Variants in PDE4D observed in about 807,000 individuals in gnomAD.
The protein encoded by PDE4D is 3',5'-cyclic-AMP phosphodiesterase 4D.
PDE4D carries 24 observed loss-of-function variants against 87.4 expected under a neutral mutation model. The observed-to-expected ratio is 0.27, with a 90% CI of 0.20 to 0.39. The LOEUF (loss-of-function observed/expected upper bound fraction) is 0.39. Ranked by LOEUF, PDE4D falls within the 10% of genes least tolerant of loss-of-function variation. PDE4D has a pLI of 1.00. For synonymous variants in PDE4D, 384 were observed against 383.2 expected (o/e 1.00, Z -0.02); for missense variants, 714 against 1,041.0 (o/e 0.69, Z 4.32).
intron 5 of PDE4D, among the ~76,000 whole-genome samples, chr5:59,119,011 G>A (rs2153444509): frequency 2.0e-5 from 3 of 152,230 alleles, no homozygotes; most frequent in Admixed American, 2.0e-4. Flanking sequence ...AGATATAAAA[G>A]TAAAGTGAGG....
chr5:59,591,266 T>G (rs1397005515), intron 1 of PDE4D, among the ~76,000 whole-genome samples: 2 of 152,200 alleles, frequency 1.3e-5, no homozygotes, highest in African/African-American at 4.8e-5. Flanking sequence ...CCTCTTAAAA[T>G]GCCTTCAACT....
chr5:58,976,519 C>T (rs766960400), intron 12 of PDE4D, 47 bp from the exon 13 acceptor site: 3 of 1,382,544 alleles, frequency 2.2e-6, no homozygotes, highest in Non-Finnish European at 3.0e-6. Context: ...ACAGAATTTA[C>T]ACATGAAAAT....
intron 2 of PDE4D, among the ~76,000 whole-genome samples, chr5:60,165,979 TTAAG>T (rs1261694487): frequency 2.6e-5 from 4 of 152,130 alleles, no homozygotes; most frequent in African/African-American, 9.6e-5. Flanking sequence ...TTCTTTGTGG[TTAAG>T]TGATTTTCTC....
At chr5:59,636,644 G>A (rs527414402) in intron 1 of PDE4D, among the ~76,000 whole-genome samples, 1 of 152,140 alleles carries the variant, frequency 6.6e-6, no homozygotes, top group Non-Finnish European at 1.5e-5. Context: ...ACAAAAACAA[G>A]CAATGGGGAA....
chr5:60,452,884 C>A (rs958907845), intron 1 of PDE4D, among the ~76,000 whole-genome samples: 1 of 152,024 alleles, frequency 6.6e-6, no homozygotes, highest in Admixed American at 6.6e-5. Flanking sequence ...TAAAATGTGG[C>A]CAGATTTCTC....
At chr5:59,395,748 C>A (rs1462619046) in intron 1 of PDE4D, among the ~76,000 whole-genome samples, 1 of 130,678 alleles carries the variant, frequency 7.7e-6, no homozygotes, top group Non-Finnish European at 1.6e-5. Flanking sequence ...CTTTGACGAG[C>A]TGAGAGAAGA....
chr5:60,268,485 G>A (rs1346873804), intron 1 of PDE4D, among the ~76,000 whole-genome samples: 1 of 152,166 alleles, frequency 6.6e-6, no homozygotes, highest in Non-Finnish European at 1.5e-5. Context: ...CACAGGCTTA[G>A]CAACTTACAG....
At chr5:60,106,534 C>T (rs552156441) in intron 2 of PDE4D, among the ~76,000 whole-genome samples, 14 of 152,058 alleles carry the variant, frequency 9.2e-5, no homozygotes, top group African/African-American at 3.4e-4. Flanking sequence ...GAACTCTCCA[C>T]CCCAAATCAA....
intron 1 of PDE4D, among the ~76,000 whole-genome samples, chr5:59,701,635 C>T (rs1752581045): frequency 6.6e-6 from 1 of 152,182 alleles, no homozygotes; most frequent in Non-Finnish European, 1.5e-5. Flanking sequence ...TGGAAAGTCA[C>T]ACTCAGACAG....
At chr5:59,613,611 G>A (rs546630741) in intron 1 of PDE4D, among the ~76,000 whole-genome samples, 1 of 152,264 alleles carries the variant, frequency 6.6e-6, no homozygotes, top group Non-Finnish European at 1.5e-5. Flanking sequence ...GGAAAAGGGG[G>A]AAAGCCAGGG....
chr5:60,192,312 G>T (rs976154148), intron 1 of PDE4D, among the ~76,000 whole-genome samples: 26 of 152,014 alleles, frequency 1.7e-4, no homozygotes, highest in African/African-American at 5.8e-4. Flanking sequence ...TATATAATTA[G>T]ATATGCATTT....
At chr5:59,078,734 C>T (rs186580816) in intron 5 of PDE4D, among the ~76,000 whole-genome samples, 148 of 152,146 alleles carry the variant, frequency 9.7e-4, no homozygotes, top group Non-Finnish European at 2.2e-4. Context: ...AGGTTGGTCT[C>T]GAACTCCTTA....
At chr5:59,044,126 G>A (rs571264559) in intron 5 of PDE4D, among the ~76,000 whole-genome samples, 207 of 152,116 alleles carry the variant, frequency 1.4e-3, no homozygotes, top group Non-Finnish European at 2.2e-3. Flanking sequence ...TTGAGGAATC[G>A]CCACACTGTC....
chr5:60,253,518 A>G (rs1045198456), intron 1 of PDE4D, among the ~76,000 whole-genome samples: 1 of 151,858 alleles, frequency 6.6e-6, no homozygotes, highest in Non-Finnish European at 1.5e-5. Flanking sequence ...TTTTTGATGA[A>G]TTGAAAGGTG....
chr5:59,591,842 T>C (rs1825965880), intron 1 of PDE4D, among the ~76,000 whole-genome samples: 1 of 152,146 alleles, frequency 6.6e-6, no homozygotes, highest in African/African-American at 2.4e-5. Context: ...TATAAATACA[T>C]TATACACAAG....
chr5:58,993,614 C>T, intron 6 of PDE4D, 149 bp from the exon 7 acceptor site: 1 of 531,054 alleles, frequency 1.9e-6, no homozygotes, highest in East Asian at 3.3e-5. Context: ...GAACTTTCTT[C>T]AATGAGGGGA....
intron 1 of PDE4D, among the ~76,000 whole-genome samples, chr5:59,779,515 C>G (rs1764400602): frequency 6.6e-6 from 1 of 152,024 alleles, no homozygotes; most frequent in Non-Finnish European, 1.5e-5. Context: ...CTAGTGGCTA[C>G]CATAGAGGAC....
At chr5:59,906,196 A>T (rs1360710043) in intron 3 of PDE4D, among the ~76,000 whole-genome samples, 3 of 152,120 alleles carry the variant, frequency 2.0e-5, no homozygotes, top group Non-Finnish European at 2.9e-5. Flanking sequence ...CTGGAACTCA[A>T]TTTTTAGCCA....
chr5:59,188,569 T>C (rs1370866450), intron 3 of PDE4D, among the ~76,000 whole-genome samples: 1 of 151,718 alleles, frequency 6.6e-6, no homozygotes, highest in Non-Finnish European at 1.5e-5. Context: ...AAGAGGAAAA[T>C]AAATGGTTTC....
Sources: gnomAD v4.1 joint callset for allele counts (sites outside exome capture counted in the v4.1 genomes callset) on GRCh38, gnomAD v4.1.1 for gene constraint, MANE v1.5 for transcripts, NCBI Gene and HGNC (gene_info 2026-07-23, HGNC 2026-07-21) for gene names.